ADGRL3: variants seen among roughly 807,000 people sequenced by gnomAD.
ADGRL3 encodes the protein adhesion G protein-coupled receptor L3.
ADGRL3 carries 62 observed loss-of-function variants against 153.5 expected under a neutral mutation model. The observed-to-expected ratio is 0.40, with a 90% CI of 0.33 to 0.50. ADGRL3 has a LOEUF of 0.50. Among genes scored for constraint, ADGRL3 ranks in the 20% least tolerant of loss-of-function variants. The pLI is 0.47. For missense variants in ADGRL3, 1,641 were observed against 1,859.4 expected, an observed-to-expected ratio of 0.88 and a Z score of 2.16; for synonymous variants, 710 against 672.5, an observed-to-expected ratio of 1.06 and a Z score of -0.86.
chr4:61,779,381 C>G (rs2097188111), intron 8 of ADGRL3, among the ~76,000 whole-genome samples: 1 of 151,624 alleles, frequency 6.6e-6, no homozygotes. Context: ...GCCTGTAATC[C>G]CAGCTCTTTG....
chr4:62,022,625 G>GT (rs2151399162), intron 21 of ADGRL3, among the ~76,000 whole-genome samples: 1 of 152,178 alleles, frequency 6.6e-6, no homozygotes, highest in Non-Finnish European at 1.5e-5. Context: ...ACTGGTGAAT[G>GT]TAAGTTGAAG....
Position 61,220,937 on chromosome 4 carries a change from T to C in ADGRL3, c.-240+19172T>C, listed in dbSNP as rs995041102. Among the ~76,000 whole-genome samples, 4 of 152,206 alleles carry C rather than the reference T, an allele frequency of 2.6e-5. No homozygotes were observed. The East Asian group carries it at 5.8e-4, about 22-fold the overall frequency. ...TACATAATATATATGGACTGTAAAA[T>C]ACAGTTTGCATACTTTTCATTTTAG... is the stretch of plus-strand genomic sequence containing the variant. On this transcript the variant is annotated intron_variant, in intron 1 of 26. Transcript: ENST00000683033.
At chr4:61,482,571 T>C (rs2098142479) in intron 2 of ADGRL3, among the ~76,000 whole-genome samples, 1 of 152,182 alleles carries the variant, frequency 6.6e-6, no homozygotes, top group African/African-American at 2.4e-5. Flanking sequence ...AAGAAATGAT[T>C]TATTTACTGA....
intron 9 of ADGRL3, among the ~76,000 whole-genome samples, chr4:61,834,409 A>G (rs1457710952): frequency 6.6e-6 from 1 of 152,112 alleles, no homozygotes; most frequent in Admixed American, 6.6e-5. Flanking sequence ...GAATAGTGCC[A>G]CAATAAACAT....
At chr4:61,310,717 T>A (rs1201736030) in intron 1 of ADGRL3, among the ~76,000 whole-genome samples, 2 of 149,716 alleles carry the variant, frequency 1.3e-5, no homozygotes, top group Non-Finnish European at 3.0e-5. Context: ...CTCTTTTTCA[T>A]ACCCTGTAAG....
At chr4:61,680,732 GAGAA>G (rs1270531643) in intron 6 of ADGRL3, among the ~76,000 whole-genome samples, 1 of 152,024 alleles carries the variant, frequency 6.6e-6, no homozygotes, top group Non-Finnish European at 1.5e-5. Context: ...AGATGTCAAT[GAGAA>G]AGAAAATAAG....
At chr4:61,471,444 T>G (rs937907017) in intron 2 of ADGRL3, among the ~76,000 whole-genome samples, 1 of 151,868 alleles carries the variant, frequency 6.6e-6, no homozygotes, top group African/African-American at 2.4e-5. Context: ...ATAAATAGTT[T>G]AAATACCAAT....
intron 1 of ADGRL3, among the ~76,000 whole-genome samples, chr4:61,253,114 A>T (rs1031547779): frequency 6.6e-6 from 1 of 152,198 alleles, no homozygotes; most frequent in African/African-American, 2.4e-5. Flanking sequence ...TCAGGCAGCC[A>T]TCTACAGGTG....
At chr4:61,498,928 T>C (rs2152816682) in intron 3 of ADGRL3, among the ~76,000 whole-genome samples, 1 of 152,302 alleles carries the variant, frequency 6.6e-6, no homozygotes, top group Middle Eastern at 3.4e-3. Flanking sequence ...TGTTGTAATA[T>C]AGTCACTCTC....
intron 1 of ADGRL3, among the ~76,000 whole-genome samples, chr4:61,217,497 A>G (rs1304005713): frequency 6.6e-6 from 1 of 152,218 alleles, no homozygotes; most frequent in Non-Finnish European, 1.5e-5. Flanking sequence ...GTGGCAATAG[A>G]GAAAACAAAT....
chr4:61,703,981 C>T (rs1261968316), intron 6 of ADGRL3, among the ~76,000 whole-genome samples: 1 of 152,036 alleles, frequency 6.6e-6, no homozygotes, highest in Admixed American at 6.6e-5. Flanking sequence ...AAATTGCTGA[C>T]CAGCATACTC....
chr4:61,426,013 G>A (rs2097275311), intron 2 of ADGRL3, among the ~76,000 whole-genome samples: 1 of 152,094 alleles, frequency 6.6e-6, no homozygotes, highest in Admixed American at 6.5e-5. Context: ...GTGGCCCAGT[G>A]TAGAAGTGCC....
chr4:61,587,526 A>G, intron 5 of ADGRL3, 86 bp downstream of exon 5: 1 of 1,009,248 alleles, frequency 9.9e-7, no homozygotes, highest in Non-Finnish European at 1.5e-6. Flanking sequence ...TAAGAACATA[A>G]ACAGTGTTAT....
At chr4:61,220,129 A>G (rs565517872) in intron 1 of ADGRL3, among the ~76,000 whole-genome samples, 162 of 149,126 alleles carry the variant, frequency 1.1e-3, no homozygotes, top group Non-Finnish European at 1.8e-3. Context: ...AAAAAAAAAA[A>G]GAAAAGAAAA....
At chr4:61,869,245 A>T (rs1561388056) in intron 9 of ADGRL3, among the ~76,000 whole-genome samples, 3 of 149,366 alleles carry the variant, frequency 2.0e-5, no homozygotes, top group African/African-American at 4.9e-5. Flanking sequence ...TGCCCAGCCC[A>T]TTTTTTTTTT....
At chr4:61,754,000 T>C (rs577293462) in intron 8 of ADGRL3, among the ~76,000 whole-genome samples, 9 of 152,286 alleles carry the variant, frequency 5.9e-5, no homozygotes, top group African/African-American at 1.9e-4. Flanking sequence ...AGATACTCAA[T>C]GTATTTGGAG....
chr4:61,228,353 A>T (rs1340975536), intron 1 of ADGRL3, among the ~76,000 whole-genome samples: 1 of 152,182 alleles, frequency 6.6e-6, no homozygotes, highest in African/African-American at 2.4e-5. Context: ...TTTTATTTTT[A>T]TCCCATTTCA....
chr4:61,391,876 T>TTTTG (rs1359387321), intron 2 of ADGRL3, among the ~76,000 whole-genome samples: 1 of 147,692 alleles, frequency 6.8e-6, no homozygotes, highest in African/African-American at 2.5e-5. Context: ...TTTTTTTTTT[T>TTTTG]TGAGATGGAG....
Position 61,825,009 on chromosome 4 carries a change from T to C in ADGRL3, c.1480+11120T>C, listed in dbSNP as rs547954684. 4.1e-3 allele frequency among the ~76,000 whole-genome samples: 628 copies of C among 152,268 alleles called. 4 individuals carry two copies. The highest frequency in any genetic ancestry group is 8.0e-3 in the Admixed American group (122 of 15,286). ...TCCTTAGCTGCTAAAAGGCATATGC[T>C]TCTTAGCATCGACACTAAGAAGCAC... On this transcript the variant is annotated intron_variant, in intron 9 of 26. Transcript: ENST00000683033.
Sources: gnomAD v4.1 joint callset for allele counts (sites outside exome capture counted in the v4.1 genomes callset) on GRCh38, gnomAD v4.1.1 for gene constraint, MANE v1.5 for transcripts, NCBI Gene and HGNC (gene_info 2026-07-23, HGNC 2026-07-21) for gene names.